Variants in RGMB observed in about 807,000 individuals in gnomAD.
The protein encoded by RGMB is repulsive guidance molecule BMP co-receptor b, also known as repulsive guidance molecule B.
RGMB carries 16 observed loss-of-function variants against 26.9 expected under a neutral mutation model. The observed-to-expected ratio is 0.60, with a 90% CI of 0.40 to 0.90. The LOEUF (loss-of-function observed/expected upper bound fraction) is 0.90. Ranked by LOEUF, RGMB falls within the 40% of genes least tolerant of loss-of-function variation. The pLI, the probability that RGMB is intolerant of heterozygous loss-of-function variation, is 0.00. For synonymous variants in RGMB, 225 were observed against 229.3 expected (o/e 0.98, Z 0.17); for missense variants, 512 against 573.3 (o/e 0.89, Z 1.09).
In RGMB at chr5:98,779,747, A is replaced by G; in HGVS notation, c.304A>G (p.Asn102Asp). Residue 102 changes from asparagine to aspartate, a missense_variant, in exon 2 of 3, where the codon AAC becomes GAC. By Grantham distance (23) the Asn-to-Asp change is conservative. Coordinates refer to ENST00000513185, the MANE Select transcript of RGMB (RefSeq NM_001366508.1). ...TQRTSKACRG[N>D]LVYHSAVLGI... Reference sequence around the variant, plus strand: ...GCGAACTTCAAAAGCCTGCCGTGGCAACCTGGTATACCATTCTGCCGTGTT... The same window carrying G: ...GCGAACTTCAAAAGCCTGCCGTGGCGACCTGGTATACCATTCTGCCGTGTT... The G allele has an allele frequency of 6.2e-7, 1 of 1,613,846 alleles. No homozygotes were observed. Among genetic ancestry groups the G allele is most frequent in the Admixed American group, 1.7e-5 (1 of 60,016 alleles).
At chr5:98,773,327 G>T (rs1746237489), upstream of RGMB, 1 of 152,286 alleles carries the variant, frequency 6.6e-6, no homozygotes, top group African/African-American at 2.4e-5. Flanking sequence ...GCCGGCGAGA[G>T]TAAGACTTGC....
chr5:98,772,095 C>T (rs984340170), upstream of RGMB, among the ~76,000 whole-genome samples: 1 of 152,154 alleles, frequency 6.6e-6, no homozygotes, highest in African/African-American at 2.4e-5. Context: ...ACTTAGTCCG[C>T]AGCATTATCT....
upstream of RGMB, among the ~76,000 whole-genome samples, chr5:98,772,397 C>T (rs1022127513): frequency 6.6e-6 from 1 of 152,196 alleles, no homozygotes; most frequent in East Asian, 1.9e-4. Context: ...CATTGATTAG[C>T]TCATTTAAAC....
At chr5:98,788,818 T>C (rs1050319221) in intron 2 of RGMB, among the ~76,000 whole-genome samples, 1 of 152,164 alleles carries the variant, frequency 6.6e-6, no homozygotes, top group African/African-American at 2.4e-5. Flanking sequence ...GAAGTAAAAT[T>C]TGGGTTTTTT....
At chr5:98,790,971 C>T (rs1281747121) in intron 2 of RGMB, among the ~76,000 whole-genome samples, 1 of 152,086 alleles carries the variant, frequency 6.6e-6, no homozygotes, top group Non-Finnish European at 1.5e-5. Context: ...TTTTCATCTC[C>T]AAGGGATCCC....
rs1304922817 is a variant in RGMB, at chr5:98,778,621, GAATATT to G, written c.137-956_137-951del. ...TCTGTTGTTTCCATTTTATGGAACA[GAATATT>G]AAATTATTTGGGGACACACAACTGA... On this transcript the variant is annotated intron_variant, in intron 1 of 2. Transcript: ENST00000513185. 2.6e-5 allele frequency among the ~76,000 whole-genome samples: 4 copies of G among 152,302 alleles called. No individual in the cohort carries two copies. The East Asian group carries it at 5.8e-4, about 22-fold the overall frequency.
At chr5:98,777,919 C>G (rs1458836040) in intron 1 of RGMB, among the ~76,000 whole-genome samples, 1 of 152,084 alleles carries the variant, frequency 6.6e-6, no homozygotes, top group African/African-American at 2.4e-5. Context: ...GAATACCAAG[C>G]CTAGACTATA....
At chr5:98,789,085 T>C (rs549926523) in intron 2 of RGMB, among the ~76,000 whole-genome samples, 2 of 152,358 alleles carry the variant, frequency 1.3e-5, no homozygotes, top group East Asian at 1.9e-4. Context: ...CATCGACTTC[T>C]TTGACACTGC....
At chr5:98,790,430 T>A (rs1256930488) in intron 2 of RGMB, among the ~76,000 whole-genome samples, 1 of 152,210 alleles carries the variant, frequency 6.6e-6, no homozygotes, top group Non-Finnish European at 1.5e-5. Context: ...TTAACTAGGA[T>A]ATTTTGTAGG....
chr5:98,781,514 G>A (rs1024429887), intron 2 of RGMB, among the ~76,000 whole-genome samples: 1 of 152,096 alleles, frequency 6.6e-6, no homozygotes, highest in Non-Finnish European at 1.5e-5. Flanking sequence ...TAAGAGAAAC[G>A]ATGGCCCCAA....
In RGMB at chr5:98,774,289, C is replaced by T. The variant is rs569707676; in HGVS notation, c.136+83C>T. On this transcript the variant is annotated intron_variant, in intron 1 of 2. Transcript: ENST00000513185. ...TAGCCCCAGGTCTCGAAGGCGCTCG[C>T]CGGGGCGGAAGGGCGGCGTGGCGCA... 261 of 1,293,918 alleles carry T rather than the reference C, an allele frequency of 2.0e-4. 3 individuals are homozygous for T. In the East Asian group the frequency reaches 6.8e-3, roughly 34 times the overall value. 80.2% of individuals were successfully genotyped at this position (1,293,918 alleles called of 1,614,324 possible). A position where few individuals can be genotyped will look rare whatever the true frequency, so the allele number is the denominator to read the frequency against.
intron 2 of RGMB, among the ~76,000 whole-genome samples, chr5:98,784,808 T>A (rs570941099): frequency 6.6e-6 from 1 of 152,352 alleles, no homozygotes; most frequent in Admixed American, 6.5e-5. Context: ...AGGGATATGG[T>A]TCTTCCATTG....
Position 98,793,820 on chromosome 5 carries a change from A to T in RGMB, c.*67A>T. The T allele has an allele frequency of 1.7e-6, 2 of 1,195,938 alleles. No individual in the cohort carries two copies. The highest frequency in any genetic ancestry group is 2.3e-6 in the Non-Finnish European group (2 of 870,780). The allele number at this position is 1,195,938 out of a possible 1,614,324, so 74.1% of individuals were successfully genotyped here. ...AAAATTTTAAAATATATATTGTCAT[A>T]ATATATTGAGTAAAAGAGTATATAT... On this transcript the variant is annotated 3_prime_UTR_variant, in exon 3 of 3. Coordinates refer to ENST00000513185, the MANE Select transcript of RGMB (RefSeq NM_001366508.1).
intron 2 of RGMB, among the ~76,000 whole-genome samples, chr5:98,788,407 C>A (rs981966260): frequency 2.6e-5 from 4 of 152,108 alleles, no homozygotes; most frequent in African/African-American, 9.7e-5. Flanking sequence ...AGCTTCCTAA[C>A]AGTTTTTTTC....
At chr5:98,777,549 TTAA>T (rs1456663234) in intron 1 of RGMB, among the ~76,000 whole-genome samples, 1 of 152,224 alleles carries the variant, frequency 6.6e-6, no homozygotes, top group Non-Finnish European at 1.5e-5. Flanking sequence ...ACATCCTGGC[TTAA>T]TGATGCTAGC....
intron 1 of RGMB, among the ~76,000 whole-genome samples, chr5:98,778,525 A>C (rs1181358389): frequency 6.6e-6 from 1 of 152,198 alleles, no homozygotes; most frequent in Non-Finnish European, 1.5e-5. Context: ...ATGTAACACA[A>C]ATAATGTGTT....
chr5:98,796,189 A>G lies in RGMB; in HGVS notation c.*2436A>G, dbSNP rs545059759. 6.6e-6 allele frequency: 1 copy of G among 152,326 alleles called. No individual in the cohort carries two copies. The highest frequency in any genetic ancestry group is 2.1e-4 in the South Asian group (1 of 4,830). 9.4% of individuals were successfully genotyped at this position (152,326 alleles called of 1,614,324 possible). On this transcript the variant is annotated 3_prime_UTR_variant, in exon 3 of 3. Coordinates refer to ENST00000513185, the MANE Select transcript of RGMB (RefSeq NM_001366508.1). ...ACCTTAGCTAGAAGAATTTCAGGTC[A>G]TACCAACATGTGGATAGGCTATAGC...
chr5:98,779,509 G>A (rs1580276955), intron 1 of RGMB, 71 bp from the exon 2 acceptor site: 1 of 1,393,600 alleles, frequency 7.2e-7, no homozygotes, highest in East Asian at 2.4e-5. Context: ...AAAGAACAAT[G>A]TGATTTTCTC....
chr5:98,787,458 G>A (rs1339272771), intron 2 of RGMB, among the ~76,000 whole-genome samples: 1 of 152,176 alleles, frequency 6.6e-6, no homozygotes, highest in African/African-American at 2.4e-5. Context: ...GGACAGATTC[G>A]GCTGAGAGTT....
Sources: gnomAD v4.1 joint callset for allele counts (sites outside exome capture counted in the v4.1 genomes callset) on GRCh38, gnomAD v4.1.1 for gene constraint, MANE v1.5 for transcripts, NCBI Gene and HGNC (gene_info 2026-07-23, HGNC 2026-07-21) for gene names.